DOK6: variants seen among roughly 807,000 people sequenced by gnomAD.
The protein encoded by DOK6 is downstream of tyrosine kinase 6.
Under a neutral mutation model 44.0 loss-of-function variants are expected in DOK6, and 22 were observed. The observed-to-expected ratio is 0.50, with a 90% CI of 0.36 to 0.71. The LOEUF is 0.71. Among genes scored for constraint, DOK6 ranks in the 30% least tolerant of loss-of-function variants. The probability of loss-of-function intolerance (pLI) is 0.00; values close to 1 mark genes in which losing one functional copy is unlikely to be tolerated. For synonymous variants in DOK6, 166 were observed against 145.5 expected (o/e 1.14, Z -1.01); for missense variants, 340 against 416.4 (o/e 0.82, Z 1.60).
chr18:69,630,615 G>A (rs529577784), intron 3 of DOK6, among the ~76,000 whole-genome samples: 11 of 152,224 alleles, frequency 7.2e-5, no homozygotes, highest in East Asian at 1.9e-4. Flanking sequence ...CAATAATGGC[G>A]GATAGATATA....
intron 1 of DOK6, among the ~76,000 whole-genome samples, chr18:69,478,896 T>A (rs1769414206): frequency 6.6e-6 from 1 of 152,216 alleles, no homozygotes; most frequent in Non-Finnish European, 1.5e-5. Context: ...GAATAGTTCT[T>A]AAATTTAGTA....
intron 1 of DOK6, among the ~76,000 whole-genome samples, chr18:69,452,064 G>T (rs946011387): frequency 5.3e-5 from 8 of 151,228 alleles, no homozygotes; most frequent in African/African-American, 1.9e-4. Context: ...ACTAAAATCA[G>T]AGCAGAACTG....
intron 5 of DOK6, among the ~76,000 whole-genome samples, chr18:69,717,932 C>T (rs756564486): frequency 4.6e-5 from 7 of 152,106 alleles, no homozygotes; most frequent in Admixed American, 6.5e-5. Context: ...CCTTAGATGT[C>T]AAAGAATCGG....
chr18:69,688,723 T>C (rs777836103), intron 4 of DOK6, among the ~76,000 whole-genome samples: 7 of 152,218 alleles, frequency 4.6e-5, no homozygotes, highest in African/African-American at 7.2e-5. Context: ...GGTTTCGCCA[T>C]GTTGGCCAGG....
intron 5 of DOK6, among the ~76,000 whole-genome samples, chr18:69,733,528 C>A (rs573413976): frequency 6.6e-6 from 1 of 152,256 alleles, no homozygotes; most frequent in African/African-American, 2.4e-5. Flanking sequence ...CATCATTTTC[C>A]ATGCTGAGAA....
At chr18:69,459,187 TTGTGTGTGTGTGTGTGTGTGTG>T (rs71176967) in intron 1 of DOK6, among the ~76,000 whole-genome samples, 10,601 of 136,946 alleles carry the variant, frequency 0.077, 508 homozygotes, top group Non-Finnish European at 0.1. Context: ...AAAAAATATT[TTGTGTGTGTGTGTGTGTGTGTG>T]TGTGTGTGTG....
chr18:69,647,084 C>CCCATCTGT (rs1985098865), intron 3 of DOK6, among the ~76,000 whole-genome samples: 1 of 129,490 alleles, frequency 7.7e-6, no homozygotes, highest in Admixed American at 8.5e-5. Flanking sequence ...ATCTGTCTAT[C>CCCATCTGT]CTATCTGTCT....
At chr18:69,576,873 C>T (rs922411946) in intron 2 of DOK6, among the ~76,000 whole-genome samples, 1 of 152,046 alleles carries the variant, frequency 6.6e-6, no homozygotes, top group Non-Finnish European at 1.5e-5. Flanking sequence ...GAAAAAGTAG[C>T]AGTTTATAGA....
At chr18:69,612,602 CCCCCTCACGCTGCTTAGTGTCTTTG>C (rs1984186423) in intron 3 of DOK6, among the ~76,000 whole-genome samples, 1 of 49,938 alleles carries the variant, frequency 2.0e-5, no homozygotes, top group Non-Finnish European at 4.4e-5. Flanking sequence ...CTGCTTTGTT[CCCCCTCACGCTGCTTAGTGTCTTTG>C]CTCCCCACTC....
chr18:69,405,998 AT>A (rs1411470405), intron 1 of DOK6, among the ~76,000 whole-genome samples: 1 of 152,204 alleles, frequency 6.6e-6, no homozygotes, highest in East Asian at 1.9e-4. Flanking sequence ...TTTATTTATC[AT>A]TTGTATATTT....
rs1352669956 is a variant in DOK6 at position 69,844,284 on chromosome 18, A to C, written c.*2901A>C. ...CTGAAAGTGACTCAGTTTGAATTCCATTCAGATTTGTACAGATAAATAGAT... is the reference window on the plus strand; with the variant it reads ...CTGAAAGTGACTCAGTTTGAATTCCCTTCAGATTTGTACAGATAAATAGAT... On this transcript the variant is annotated 3_prime_UTR_variant, in exon 8 of 8. Transcript: ENST00000382713. The C allele has an allele frequency of 6.6e-6, 1 of 152,208 alleles. No individual in the cohort carries two copies. Among genetic ancestry groups the C allele is most frequent in the African/African-American group, 2.4e-5 (1 of 41,454 alleles). 9.4% of individuals were successfully genotyped at this position (152,208 alleles called of 1,614,324 possible). A position where few individuals can be genotyped will look rare whatever the true frequency, so the allele number is the denominator to read the frequency against.
intron 3 of DOK6, among the ~76,000 whole-genome samples, chr18:69,619,948 G>C (rs551972109): frequency 6.6e-6 from 1 of 152,054 alleles, no homozygotes; most frequent in Non-Finnish European, 1.5e-5. Context: ...AATAATAAGT[G>C]ATGTTTCCTT....
chr18:69,509,621 G>A (rs1172529181), intron 1 of DOK6, among the ~76,000 whole-genome samples: 1 of 120,160 alleles, frequency 8.3e-6, no homozygotes, highest in East Asian at 2.8e-4. Context: ...CTGGGCAACA[G>A]AGCTAGGCTC....
intron 2 of DOK6, among the ~76,000 whole-genome samples, chr18:69,579,765 T>C (rs112646535): frequency 2.0e-5 from 3 of 152,056 alleles, no homozygotes; most frequent in African/African-American, 7.2e-5. Context: ...TTTGTTTTAG[T>C]GGAGACGGGA....
intron 1 of DOK6, among the ~76,000 whole-genome samples, chr18:69,426,509 T>C (rs1978639836): frequency 1.3e-5 from 2 of 152,210 alleles, no homozygotes; most frequent in Admixed American, 1.3e-4. Context: ...AGTCGTTTTA[T>C]TTCTAATTTT....
At chr18:69,716,357 G>A (rs1986881002) in intron 5 of DOK6, among the ~76,000 whole-genome samples, 1 of 152,150 alleles carries the variant, frequency 6.6e-6, no homozygotes, top group African/African-American at 2.4e-5. Context: ...CGAACTATGA[G>A]GCAATTTAAT....
In DOK6 at chr18:69,677,759, G is replaced by T. The variant is rs1174145015; in HGVS notation, c.315G>T (p.Lys105Asn). Residue 105 changes from lysine (K) to asparagine (N), a missense_variant, in exon 4 of 8, where the codon AAG becomes AAT. Lys to Asn is a moderately conservative substitution (Grantham distance 94). This residue lies in a region of DOK6 where 206 missense variants were observed against 258.6 expected (regional missense o/e 0.80). Coordinates refer to ENST00000382713, the MANE Select transcript of DOK6 (RefSeq NM_152721.6). Reference protein sequence around the residue: ...ESELEAEEWCKHLCMECLGTR... With the variant: ...ESELEAEEWCNHLCMECLGTR... The stretch of plus-strand genomic sequence containing the variant: ...AGCTGGAGGCCGAGGAGTGGTGCAA[G>T]CACCTCTGCATGGAGTGTCTGGGGA... 4 of 1,613,752 alleles carry T rather than the reference G, an allele frequency of 2.5e-6. No homozygotes were observed. Among genetic ancestry groups the T allele is most frequent in the Non-Finnish European group, 3.4e-6 (4 of 1,179,750 alleles).
At chr18:69,677,567 A>G (rs1985951348) in intron 3 of DOK6, among the ~76,000 whole-genome samples, 167 bp from the exon 4 acceptor site, 1 of 152,238 alleles carries the variant, frequency 6.6e-6, no homozygotes, top group African/African-American at 2.4e-5. Context: ...AGAGTAGGAA[A>G]TAATTTTTGG....
chr18:69,806,612 A>C (rs1981058276), intron 7 of DOK6, among the ~76,000 whole-genome samples: 1 of 151,962 alleles, frequency 6.6e-6, no homozygotes, highest in South Asian at 2.1e-4. Context: ...ATGCATTTTG[A>C]TTTAATTTTC....
Sources: allele counts gnomAD v4.1 joint callset (sites outside exome capture counted in the v4.1 genomes callset), GRCh38; gene constraint gnomAD v4.1.1; regional missense constraint gnomAD v4.1.1; transcripts MANE v1.5; gene names NCBI Gene and HGNC (gene_info 2026-07-23, HGNC 2026-07-21).